NPHP3: variants seen among roughly 807,000 people sequenced by gnomAD.
The protein encoded by NPHP3 is nephrocystin 3, also known as nephrocystin-3.
Under a neutral mutation model 171.9 loss-of-function variants are expected in NPHP3, and 123 were observed. That is an observed-to-expected ratio of 0.72 (90% confidence interval 0.62 to 0.83). NPHP3 has a LOEUF of 0.83. Among genes scored for constraint, NPHP3 ranks in the 40% least tolerant of loss-of-function variants. The pLI, the probability that NPHP3 is intolerant of heterozygous loss-of-function variation, is 0.00. For synonymous variants in NPHP3, 558 were observed against 579.2 expected (o/e 0.96, Z 0.52); for missense variants, 1,506 against 1,591.9 (o/e 0.95, Z 0.92).
intron 24 of NPHP3, among the ~76,000 whole-genome samples, chr3:132,684,112 A>G (rs529081129): frequency 9.6e-4 from 146 of 152,344 alleles, no homozygotes; most frequent in African/African-American, 3.4e-3. Flanking sequence ...CAATGGTTAC[A>G]TTTAATTACA....
rs530323417 is a variant in NPHP3, at chr3:132,710,765, T to G, written c.1118+2361A>C. On this transcript the variant is annotated intron_variant, in intron 6 of 26. Transcript: ENST00000337331. ...GTGAGGCTGGTCAAATTAAAGGCAT[T>G]AAAGAAGAACCCCTGGAAAAGCAGT... is the stretch of plus-strand genomic sequence containing the variant. 2.6e-5 allele frequency among the ~76,000 whole-genome samples: 4 copies of G among 152,292 alleles called. No individual in the cohort carries two copies. In the South Asian group the frequency reaches 8.3e-4, roughly 32 times the overall value.
intron 17 of NPHP3, 54 bp from the exon 18 acceptor site, chr3:132,691,340 T>G: frequency 1.6e-6 from 2 of 1,214,674 alleles, no homozygotes; most frequent in Non-Finnish European, 2.5e-6. Context: ...TCACTGTACA[T>G]CTAACAAGAG....
At chr3:132,711,736 A>G (rs1335816266) in intron 6 of NPHP3, among the ~76,000 whole-genome samples, 2 of 152,208 alleles carry the variant, frequency 1.3e-5, no homozygotes, top group Non-Finnish European at 2.9e-5. Context: ...TCATTAAGTA[A>G]TAAGATAAGA....
chr3:132,715,084 C>A lies in NPHP3; in HGVS notation c.957+1G>T. 1 of 1,609,570 alleles carries A rather than the reference C, an allele frequency of 6.2e-7. No homozygotes were observed. The highest frequency in any genetic ancestry group is 1.3e-5 in the African/African-American group (1 of 74,896). On this transcript the variant is annotated splice_donor_variant, in intron 5 of 26. Coordinates refer to ENST00000337331, the MANE Select transcript of NPHP3 (RefSeq NM_153240.5). LOFTEE classifies it high-confidence loss of function. The stretch of plus-strand genomic sequence containing the variant: ...GATACAGAATTTATAAATATCCTCA[C>A]CTTAAGGAAAAGATCCATCTCAGGC...
chr3:132,717,036 T>C (rs1265523375), intron 3 of NPHP3, 127 bp from the exon 4 acceptor site: 4 of 1,063,432 alleles, frequency 3.8e-6, no homozygotes, highest in Non-Finnish European at 5.5e-6. Flanking sequence ...CAAATGATTT[T>C]GAAAATACTT....
intron 3 of NPHP3, among the ~76,000 whole-genome samples, chr3:132,717,641 C>T (rs1193986868): frequency 2.0e-5 from 3 of 150,196 alleles, no homozygotes; most frequent in African/African-American, 7.4e-5. Context: ...AAGACAATTA[C>T]AATAGTTTTG....
chr3:132,692,957 C>A, intron 16 of NPHP3, 139 bp from the exon 17 acceptor site: 1 of 723,616 alleles, frequency 1.4e-6, no homozygotes, highest in South Asian at 1.7e-5. Flanking sequence ...AATCAAGAAA[C>A]AGATTTATTA....
In NPHP3 at chr3:132,684,616, C is replaced by G. The variant is rs781558755; in HGVS notation, c.3508G>C (p.Ala1170Pro). Residue 1170 changes from alanine (A) to proline (P), a missense_variant, in exon 24 of 27, where the codon GCT becomes CCT. Physicochemically the swap from Ala to Pro is conservative, Grantham distance 27 (BLOSUM62 -1). Around this residue, in one of 3 missense-constraint regions of NPHP3, gnomAD observed 569 missense variants for 648.1 expected, o/e 0.88. Transcript: ENST00000337331. ...RALDIRRRALAPDHPSLAYTV... is the reference protein window; with the variant it reads ...RALDIRRRALPPDHPSLAYTV... ...TATGCCAAAGAAGGGTGATCAGGAG[C>G]TAATGCACGTCTCCGAATATCTAAA... 1.2e-6 allele frequency: 2 copies of G among 1,614,004 alleles called. No homozygotes were observed. Among genetic ancestry groups the G allele is most frequent in the South Asian group, 2.2e-5 (2 of 91,078 alleles).
Position 132,684,766 on chromosome 3 carries a change from A to T in NPHP3, c.3358T>A (p.Leu1120Ile). 6.2e-7 allele frequency: 1 copy of T among 1,613,844 alleles called. No individual in the cohort carries two copies. Among genetic ancestry groups the T allele is most frequent in the Non-Finnish European group, 8.5e-7 (1 of 1,179,996 alleles). ...CCTAGAACTCGCTCCCTCATTTCTA[A>T]GGAACGCTTCAGAAACTGGTCAGCT... ...ETADQFLKRS[L>I]EMRERVLGPD... Residue 1120 changes from leucine to isoleucine, a missense_variant, in exon 24 of 27, where the codon TTA becomes ATA. Leu to Ile is a conservative substitution (Grantham distance 5). This residue lies in a region of NPHP3 where 569 missense variants were observed against 648.1 expected (regional missense o/e 0.88). Coordinates refer to ENST00000337331, the MANE Select transcript of NPHP3 (RefSeq NM_153240.5).
At position 132,713,294 on chromosome 3, in the gene NPHP3, C is replaced by A; in HGVS notation, c.958-8G>T. 2 of 1,574,320 alleles carry A rather than the reference C, an allele frequency of 1.3e-6. No homozygotes were observed. The highest frequency in any genetic ancestry group is 1.8e-5 in the Admixed American group (1 of 55,544). ...AAGTTTAGGTGAATAGTCCTAAAAA[C>A]AAATGAAAACATACAAAAGTTTAAT... On this transcript the variant is annotated splice_polypyrimidine_tract_variant and splice_region_variant and intron_variant, in intron 5 of 26. Coordinates refer to ENST00000337331, the MANE Select transcript of NPHP3 (RefSeq NM_153240.5).
At chr3:132,710,792 C>T (rs548411431) in intron 6 of NPHP3, among the ~76,000 whole-genome samples, 100 of 152,294 alleles carry the variant, frequency 6.6e-4, no homozygotes, top group African/African-American at 2.3e-3. Flanking sequence ...AAAAGCAGTG[C>T]AGGAGCCTGG....
rs369704665 is a variant in NPHP3, at chr3:132,686,263, A to C, written c.3326T>G (p.Leu1109Arg). The C allele has an allele frequency of 6.2e-7, 1 of 1,613,530 alleles. No individual in the cohort carries two copies. The highest frequency in any genetic ancestry group is 8.5e-7 in the Non-Finnish European group (1 of 1,179,476). Residue 1109 changes from leucine (L) to arginine (R), a missense_variant, in exon 23 of 27, where the codon CTG becomes CGG. This residue lies in a region of NPHP3 where 569 missense variants were observed against 648.1 expected (regional missense o/e 0.88). Coordinates refer to ENST00000337331, the MANE Select transcript of NPHP3 (RefSeq NM_153240.5). ...TTATTAACCCCATGGTACTCACTCC[A>C]GGTTATTTTGAAGATAGTAGAGAAC... ...LGVLYYLQNNLETADQFLKRS... is the reference protein window; with the variant it reads ...LGVLYYLQNNRETADQFLKRS...
At chr3:132,721,942 C>G in intron 1 of NPHP3, 21 bp downstream of exon 1, 1 of 1,610,674 alleles carries the variant, frequency 6.2e-7, no homozygotes, top group Non-Finnish European at 8.5e-7. Flanking sequence ...CTCCCGGCGT[C>G]GCGGCCCAGC....
At chr3:132,709,156 A>ATG (rs1939836777) in intron 6 of NPHP3, among the ~76,000 whole-genome samples, 1 of 152,182 alleles carries the variant, frequency 6.6e-6, no homozygotes, top group South Asian at 2.1e-4. Context: ...ATCCCAAAAA[A>ATG]CAACTTTGTT....
rs372011587 is a variant in NPHP3, at chr3:132,696,761, T to C, written c.2141A>G (p.Tyr714Cys). ...CRSATTCNAL[Y>C]VTLFGKMIAR... ...GATCATTTTGCCGAAAAGGGTGACA[T>C]AAAGGGCATTGCAGGTTGTAGCAGA... The change falls in exon 15 of 27, where the codon TAT becomes TGT. Residue 714 changes from tyrosine (Y) to cysteine (C), a missense_variant. Tyr to Cys is a radical substitution (Grantham distance 194, BLOSUM62 -2). Around this residue, in one of 3 missense-constraint regions of NPHP3, gnomAD observed 930 missense variants for 924.9 expected, o/e 1.01. Coordinates refer to ENST00000337331, the MANE Select transcript of NPHP3 (RefSeq NM_153240.5). 3 of 1,614,100 alleles carry C rather than the reference T, an allele frequency of 1.9e-6. No homozygotes were observed. The highest frequency in any genetic ancestry group is 1.3e-5 in the African/African-American group (1 of 75,012).
At chr3:132,719,660 A>G (rs1441175150) in intron 2 of NPHP3, 45 bp downstream of exon 2, 3 of 1,330,296 alleles carry the variant, frequency 2.3e-6, no homozygotes, top group African/African-American at 1.5e-5. Context: ...AGAATATACT[A>G]TTTTATTCTA....
rs552159031 is a variant in NPHP3 at position 132,682,434 on chromosome 3, A to G, written c.3812+269T>C. On this transcript the variant is annotated intron_variant, in intron 26 of 26. Coordinates refer to ENST00000337331, the MANE Select transcript of NPHP3 (RefSeq NM_153240.5). ...GGCAACTTCACTCTGGGGACAGCAA[A>G]TTACCCATATTACTCCCAGAGCCAG... 24 of 556,294 alleles carry G rather than the reference A, an allele frequency of 4.3e-5. No homozygotes were observed. In the East Asian group the frequency reaches 7.6e-4, roughly 18 times the overall value. The allele number at this position is 556,294 out of a possible 1,614,324, so 34.5% of individuals were successfully genotyped here.
In NPHP3 at chr3:132,706,283, C is replaced by T. The variant is rs551070665; in HGVS notation, c.1276-469G>A. 1.9e-3 allele frequency among the ~76,000 whole-genome samples: 282 copies of T among 150,322 alleles called. 4 individuals carry two copies. Among genetic ancestry groups the T allele is most frequent in the African/African-American group, 6.6e-3 (271 of 40,760 alleles). ...TTGAGGCAAGAGAATGGCGTGAACC[C>T]GGGAGGCGGAGCTTGGAGTGAGCTG... On this transcript the variant is annotated intron_variant, in intron 7 of 26. Coordinates refer to ENST00000337331, the MANE Select transcript of NPHP3 (RefSeq NM_153240.5).
Position 132,716,896 on chromosome 3 carries a change from T to C in NPHP3, c.684A>G (p.Gln228=), listed in dbSNP as rs1369748544. ...NCTDVTAAGT[Q]CEYWTGGALG... is the part of the protein sequence containing the mutation. ...AGGCTCCGCCAGTCCAATATTCACA[T>C]TGGGTTCCAGCAGCTGTTCAGCAAG... The change falls in exon 4 of 27, where the codon CAA becomes CAG. Residue 228 remains glutamine (Q), a synonymous_variant. Transcript: ENST00000337331. The C allele has an allele frequency of 9.3e-6, 15 of 1,613,898 alleles. No individual in the cohort carries two copies. The highest frequency in any genetic ancestry group is 1.6e-4 in the Middle Eastern group (1 of 6,082).
Sources: gnomAD v4.1 joint callset for allele counts (sites outside exome capture counted in the v4.1 genomes callset) on GRCh38, gnomAD v4.1.1 for gene constraint, gnomAD v4.1.1 regional missense constraint, MANE v1.5 for transcripts, NCBI Gene and HGNC (gene_info 2026-07-23, HGNC 2026-07-21) for gene names.